CAVIN2: variants seen among roughly 807,000 people sequenced by gnomAD.
The protein encoded by CAVIN2 is caveolae associated protein 2.
In CAVIN2, 13 loss-of-function variants were observed where a neutral mutation model predicts 11.7. The ratio of observed to expected loss-of-function variants is 1.11; its 90% CI spans 0.72 to 1.77. CAVIN2 has a LOEUF of 1.77. Ranked by LOEUF, CAVIN2 falls within the 40% of genes most tolerant of loss-of-function variation. The pLI, the probability that CAVIN2 is intolerant of heterozygous loss-of-function variation, is 0.00. For missense variants in CAVIN2, 549 were observed against 542.9 expected, an observed-to-expected ratio of 1.01 and a Z score of -0.11; for synonymous variants, 237 against 223.2, an observed-to-expected ratio of 1.06 and a Z score of -0.55.
intron 1 of CAVIN2, among the ~76,000 whole-genome samples, chr2:191,839,572 C>T (rs1690066555): frequency 2.0e-5 from 3 of 152,100 alleles, no homozygotes; most frequent in Non-Finnish European, 4.4e-5. Context: ...CCCAATTGAA[C>T]TCTTTTGTAA....
At position 191,836,135 on chromosome 2, in the gene CAVIN2, C is replaced by T. The variant is rs1690014154; in HGVS notation, c.1066G>A (p.Ala356Thr). The T allele has an allele frequency of 1.2e-6, 2 of 1,614,238 alleles. No individual in the cohort carries two copies. The highest frequency in any genetic ancestry group is 1.3e-5 in the African/African-American group (1 of 75,070). The part of the protein sequence containing the change: ...LVEGEIAEEA[A>T]EKATSRGSNS... ...CTCCCCCTGGAGGTCGCCTTCTCAGCAGCCTCCTCTGCAATTTCCCCTTCC... is the reference window on the plus strand; with the variant it reads ...CTCCCCCTGGAGGTCGCCTTCTCAGTAGCCTCCTCTGCAATTTCCCCTTCC... Residue 356 changes from alanine to threonine, a missense_variant, in exon 2 of 2, where the codon GCT becomes ACT. Transcript: ENST00000304141.
intron 1 of CAVIN2, among the ~76,000 whole-genome samples, chr2:191,843,607 G>A (rs1159418366): frequency 6.6e-6 from 1 of 152,160 alleles, no homozygotes; most frequent in Non-Finnish European, 1.5e-5. Flanking sequence ...ATGGAGATGA[G>A]ATATAATGTT....
rs984222320 is a variant in CAVIN2 at position 191,834,863 on chromosome 2, A to G, written c.*1060T>C. 3.3e-5 allele frequency: 5 copies of G among 152,122 alleles called. No homozygotes were observed. Among genetic ancestry groups the G allele is most frequent in the African/African-American group, 1.2e-4 (5 of 41,566 alleles). The allele number at this position is 152,122 out of a possible 1,614,324, so 9.4% of individuals were successfully genotyped here. On this transcript the variant is annotated 3_prime_UTR_variant, in exon 2 of 2. Transcript: ENST00000304141. ...ATCTTATAAGCCTACATCACATCAC[A>G]TGGAATGTAAGGGTTAGTTTAAATT...
chr2:191,836,351 A>T lies in CAVIN2; in HGVS notation c.850T>A (p.Ser284Thr). Reference sequence around the variant, plus strand: ...ACCTTGAAGGGGGAGCTTTTTCCTGAGGATATTTTCTGGTGATTTGACGTG... The same window carrying T: ...ACCTTGAAGGGGGAGCTTTTTCCTGTGGATATTTTCTGGTGATTTGACGTG... The part of the protein sequence containing the change: ...SLTSNHQKIS[S>T]GKSSPFKVSP... Residue 284 changes from serine to threonine, a missense_variant, in exon 2 of 2, where the codon TCA becomes ACA. Coordinates refer to ENST00000304141, the MANE Select transcript of CAVIN2 (RefSeq NM_004657.6). 6.2e-7 allele frequency: 1 copy of T among 1,614,028 alleles called. No homozygotes were observed. The highest frequency in any genetic ancestry group is 2.2e-5 in the East Asian group (1 of 44,876).
rs1690170141 is a variant in CAVIN2, at chr2:191,846,548, G to A, written c.378C>T (p.Arg126=). ...EKSRKVSAHT[R]AVKERMDRQC... is the part of the protein sequence containing the mutation. ...GCCTATCCATGCGCTCTTTGACCGC[G>A]CGCGTGTGGGCGCTGACCTTGCGGG... The change falls in exon 1 of 2, where the codon CGC becomes CGT. Residue 126 remains arginine (R), a synonymous_variant. Coordinates refer to ENST00000304141, the MANE Select transcript of CAVIN2 (RefSeq NM_004657.6). 3.7e-6 allele frequency: 6 copies of A among 1,614,152 alleles called. No individual in the cohort carries two copies. The highest frequency in any genetic ancestry group is 1.3e-5 in the African/African-American group (1 of 74,948).
chr2:191,846,871 G>A lies in CAVIN2; in HGVS notation c.55C>T (p.Arg19Trp), dbSNP rs1457544223. ...CTGGGGCTCGAGGGCTTTTCCTGCC[G>A]CATGTCAGACCCAGGGTGCTGGAAC... ...EKFQHPGSDM[R>W]QEKPSSPSPM... The change falls in exon 1 of 2, where the codon CGG (arginine) becomes TGG (tryptophan). Residue 19 changes from arginine to tryptophan, a missense_variant. By Grantham distance (101) the Arg-to-Trp change is moderately radical. Coordinates refer to ENST00000304141, the MANE Select transcript of CAVIN2 (RefSeq NM_004657.6). 2 of 1,613,866 alleles carry A rather than the reference G, an allele frequency of 1.2e-6. No individual in the cohort carries two copies. The highest frequency in any genetic ancestry group is 3.3e-5 in the Admixed American group (2 of 59,984).
Position 191,836,481 on chromosome 2 carries a change from A to C in CAVIN2, c.720T>G (p.Asp240Glu). ...KIKRSSLKKV[D>E]SLKKAFSRQN... ...GGCGAGAAAATGCTTTCTTGAGGCT[A>C]TCCACTTTCTTCAGGCTGGATCTTT... is the stretch of plus-strand genomic sequence containing the variant. The change falls in exon 2 of 2, where the codon GAT becomes GAG. Residue 240 changes from aspartate (D) to glutamate (E), a missense_variant. Asp to Glu is a conservative substitution (Grantham distance 45). Transcript: ENST00000304141. The C allele has an allele frequency of 6.2e-7, 1 of 1,614,030 alleles. No homozygotes were observed. The highest frequency in any genetic ancestry group is 1.3e-5 in the African/African-American group (1 of 74,988).
chr2:191,837,580 C>T (rs1012674501), intron 1 of CAVIN2, among the ~76,000 whole-genome samples: 2 of 152,158 alleles, frequency 1.3e-5, no homozygotes, highest in Non-Finnish European at 2.9e-5. Flanking sequence ...CAGCACTCTC[C>T]TCCAGCTGCC....
rs777443485 is a variant in CAVIN2, at chr2:191,835,946, G to T, written c.1255C>A (p.Leu419Ile). 6.2e-7 allele frequency: 1 copy of T among 1,613,086 alleles called. No homozygotes were observed. The highest frequency in any genetic ancestry group is 1.1e-5 in the South Asian group (1 of 91,058). The part of the protein sequence containing the change: ...SDGDPVQPAV[L>I]QVHQTS Reference sequence around the variant, plus strand: ...GCTCAGGAGGTCTGGTGCACCTGGAGCACGGCGGGCTGCACGGGGTCCCCA... The same window carrying T: ...GCTCAGGAGGTCTGGTGCACCTGGATCACGGCGGGCTGCACGGGGTCCCCA... The change falls in exon 2 of 2, where the codon CTC becomes ATC. Residue 419 changes from leucine (L) to isoleucine (I), a missense_variant. Physicochemically the swap from Leu to Ile is conservative, Grantham distance 5. Transcript: ENST00000304141.
intron 1 of CAVIN2, among the ~76,000 whole-genome samples, chr2:191,837,050 C>A (rs1690033035): frequency 6.6e-6 from 1 of 152,172 alleles, no homozygotes; most frequent in Non-Finnish European, 1.5e-5. Flanking sequence ...GTGCTGTGAA[C>A]CCAGAGGCCC....
At chr2:191,846,115 G>C (rs1690161617) in intron 1 of CAVIN2, among the ~76,000 whole-genome samples, 1 of 152,236 alleles carries the variant, frequency 6.6e-6, no homozygotes, top group African/African-American at 2.4e-5. Flanking sequence ...CTAATGCAAA[G>C]AGACAAATGA....
rs1405959425 is a variant in CAVIN2, at chr2:191,835,948, A to G, written c.1253T>C (p.Val418Ala). The G allele has an allele frequency of 1.9e-6, 3 of 1,613,228 alleles. No individual in the cohort carries two copies. Among genetic ancestry groups the G allele is most frequent in the East Asian group, 4.5e-5 (2 of 44,902 alleles). Residue 418 changes from valine to alanine, a missense_variant, in exon 2 of 2, where the codon GTG becomes GCG. Coordinates refer to ENST00000304141, the MANE Select transcript of CAVIN2 (RefSeq NM_004657.6). Reference protein sequence around the residue: ...RSDGDPVQPAVLQVHQTS With the variant: ...RSDGDPVQPAALQVHQTS ...TCAGGAGGTCTGGTGCACCTGGAGC[A>G]CGGCGGGCTGCACGGGGTCCCCATC... is the stretch of plus-strand genomic sequence containing the variant.
At chr2:191,846,324 T>C in intron 1 of CAVIN2, 119 bp downstream of exon 1, 1 of 1,226,634 alleles carries the variant, frequency 8.2e-7, no homozygotes, top group South Asian at 1.6e-5. Context: ...CAGTGCCTTG[T>C]ATGTGTGATC....
intron 1 of CAVIN2, among the ~76,000 whole-genome samples, chr2:191,844,444 G>T (rs905223635): frequency 6.6e-6 from 1 of 152,110 alleles, no homozygotes; most frequent in African/African-American, 2.4e-5. Context: ...CTTAAGAAAG[G>T]TCCAGTCACT....
Position 191,846,962 on chromosome 2 carries a change from C to T in CAVIN2, c.-37G>A. 1 of 1,555,932 alleles carries T rather than the reference C, an allele frequency of 6.4e-7. No homozygotes were observed. Among genetic ancestry groups the T allele is most frequent in the South Asian group, 1.2e-5 (1 of 80,482 alleles). On this transcript the variant is annotated 5_prime_UTR_variant, in exon 1 of 2. Coordinates refer to ENST00000304141, the MANE Select transcript of CAVIN2 (RefSeq NM_004657.6). Reference sequence around the variant, plus strand: ...TGGGAACGTTCTTTCTCTCTGGGAGCTGCTTCTTGCTCGGGTGAGAAGTTG... The same window carrying T: ...TGGGAACGTTCTTTCTCTCTGGGAGTTGCTTCTTGCTCGGGTGAGAAGTTG...
chr2:191,836,514 C>A lies in CAVIN2; in HGVS notation c.687G>T (p.Glu229Asp), dbSNP rs902130155. ...AEEKVEESRAEKIKRSSLKKV... is the reference protein window; with the variant it reads ...AEEKVEESRADKIKRSSLKKV... ...TCTTCAGGCTGGATCTTTTTATTTTCTCTGCCCTACTTTCTTCCACCTTTT... is the reference window on the plus strand; with the variant it reads ...TCTTCAGGCTGGATCTTTTTATTTTATCTGCCCTACTTTCTTCCACCTTTT... Residue 229 changes from glutamate to aspartate, a missense_variant, in exon 2 of 2, where the codon GAG becomes GAT. Physicochemically the swap from Glu to Asp is conservative, Grantham distance 45 (BLOSUM62 2). Transcript: ENST00000304141. The A allele has an allele frequency of 6.2e-7, 1 of 1,614,082 alleles. No individual in the cohort carries two copies. Among genetic ancestry groups the A allele is most frequent in the East Asian group, 2.2e-5 (1 of 44,878 alleles).
At chr2:191,839,763 A>G (rs1574194791) in intron 1 of CAVIN2, among the ~76,000 whole-genome samples, 1 of 152,336 alleles carries the variant, frequency 6.6e-6, no homozygotes, top group South Asian at 2.1e-4. Flanking sequence ...ACAGGATTTA[A>G]TGTTCTGTAT....
At position 191,835,006 on chromosome 2, in the gene CAVIN2, TAAAG is replaced by T. The variant is rs1360181421; in HGVS notation, c.*913_*916del. 1 of 151,728 alleles carries T rather than the reference TAAAG, an allele frequency of 6.6e-6. No individual in the cohort carries two copies. The highest frequency in any genetic ancestry group is 6.6e-5 in the Admixed American group (1 of 15,262). 9.4% of individuals were successfully genotyped at this position (151,728 alleles called of 1,614,324 possible). ...AAGACAACATCCTTTTGAACTTCCT[TAAAG>T]AAATATTTGTAATGTCCTTTATTTA... On this transcript the variant is annotated 3_prime_UTR_variant, in exon 2 of 2. Coordinates refer to ENST00000304141, the MANE Select transcript of CAVIN2 (RefSeq NM_004657.6).
At chr2:191,843,357 T>C (rs1257580088) in intron 1 of CAVIN2, among the ~76,000 whole-genome samples, 1 of 152,190 alleles carries the variant, frequency 6.6e-6, no homozygotes, top group African/African-American at 2.4e-5. Flanking sequence ...CTCTCTTATT[T>C]TTACATAATT....
Sources: gnomAD v4.1 joint callset for allele counts (sites outside exome capture counted in the v4.1 genomes callset) on GRCh38, gnomAD v4.1.1 for gene constraint, MANE v1.5 for transcripts, NCBI Gene and HGNC (gene_info 2026-07-23, HGNC 2026-07-21) for gene names.